TULP4: variants seen among roughly 807,000 people sequenced by gnomAD.
TULP4 encodes TUB like protein 4, also known as tubby-related protein 4.
Under a neutral mutation model 129.0 loss-of-function variants are expected in TULP4, and 16 were observed. The observed-to-expected ratio is 0.12, with a 90% CI of 0.08 to 0.19. The LOEUF (loss-of-function observed/expected upper bound fraction) is 0.19. Ranked by LOEUF, TULP4 falls within the 10% of genes least tolerant of loss-of-function variation. TULP4 has a pLI of 1.00. For missense variants in TULP4, 1,842 were observed against 2,059.1 expected, an observed-to-expected ratio of 0.89 and a Z score of 2.04; for synonymous variants, 998 against 854.0, an observed-to-expected ratio of 1.17 and a Z score of -2.94.
At chr6:158,269,856 C>T (rs1328150596) in intron 1 of TULP4, among the ~76,000 whole-genome samples, 1 of 152,190 alleles carries the variant, frequency 6.6e-6, no homozygotes, top group Non-Finnish European at 1.5e-5. Context: ...GGTGGGAGAG[C>T]CAGGCCCGGT....
intron 1 of TULP4, among the ~76,000 whole-genome samples, chr6:158,355,382 G>C (rs1488267628): frequency 1.3e-5 from 2 of 152,162 alleles, no homozygotes; most frequent in Admixed American, 6.5e-5. Context: ...CACTGTGACT[G>C]GCCTATAAGC....
At position 158,481,040 on chromosome 6, in the gene TULP4, TC is replaced by T; in HGVS notation, c.1252-13del. 1 of 1,541,130 alleles carries T rather than the reference TC, an allele frequency of 6.5e-7. No individual in the cohort carries two copies. Among genetic ancestry groups the T allele is most frequent in the Non-Finnish European group, 8.8e-7 (1 of 1,142,468 alleles). ...CTGGAGTCCCAGCTCTTCATTTTCTTCCTGTATCCTCCAGCCCCCAATTCCA... is the reference window on the plus strand; with the variant it reads ...CTGGAGTCCCAGCTCTTCATTTTCTTCTGTATCCTCCAGCCCCCAATTCCA... On this transcript the variant is annotated splice_polypyrimidine_tract_variant and intron_variant, in intron 7 of 13. Coordinates refer to ENST00000367097, the MANE Select transcript of TULP4 (RefSeq NM_020245.5).
At chr6:158,232,929 G>C (rs1251448870) in intron 1 of TULP4, among the ~76,000 whole-genome samples, 1 of 152,250 alleles carries the variant, frequency 6.6e-6, no homozygotes, top group Non-Finnish European at 1.5e-5. Context: ...TCTGGAGTCT[G>C]TGCTGTTTCC....
At chr6:158,427,437 G>A (rs1179722980) in intron 2 of TULP4, among the ~76,000 whole-genome samples, 1 of 135,978 alleles carries the variant, frequency 7.4e-6, no homozygotes, top group African/African-American at 2.9e-5. Flanking sequence ...AAACTTACAT[G>A]AAATGGACAA....
At chr6:158,261,824 T>C (rs2081614) in intron 1 of TULP4, among the ~76,000 whole-genome samples, 49,942 of 151,864 alleles carry the variant, frequency 0.33, 9,209 homozygotes, top group Admixed American at 0.45. Flanking sequence ...CCTCACAGTG[T>C]ATGATGGCTG....
chr6:158,336,168 T>G (rs541720615), intron 1 of TULP4, among the ~76,000 whole-genome samples: 1 of 152,350 alleles, frequency 6.6e-6, no homozygotes, highest in East Asian at 1.9e-4. Flanking sequence ...GGTTTTAATT[T>G]GGATATCTCC....
At chr6:158,380,843 G>A (rs1357890128) in intron 1 of TULP4, among the ~76,000 whole-genome samples, 6 of 138,252 alleles carry the variant, frequency 4.3e-5, no homozygotes, top group African/African-American at 1.1e-4. Flanking sequence ...GCAGTGAGCC[G>A]AGACCACGCC....
intron 1 of TULP4, among the ~76,000 whole-genome samples, chr6:158,322,070 T>C (rs901026547): frequency 6.6e-6 from 1 of 152,222 alleles, no homozygotes; most frequent in African/African-American, 2.4e-5. Context: ...TGACCAACTT[T>C]CTCAACATTC....
Position 158,236,005 on chromosome 6 carries a change from G to C in TULP4, n.68+3702G>C, listed in dbSNP as rs141658999. 6.3e-3 allele frequency among the ~76,000 whole-genome samples: 954 copies of C among 152,308 alleles called. 11 individuals are homozygous for C. The highest frequency in any genetic ancestry group is 0.021 in the African/African-American group (873 of 41,558). On this transcript the variant is annotated intron_variant and non_coding_transcript_variant, in intron 1 of 1. Transcript: ENST00000620026. ...ATCACTTCCCTTCTATATGGATGATGACATTCCAGCACATCTTCCTGAAAT... is the reference window on the plus strand; with the variant it reads ...ATCACTTCCCTTCTATATGGATGATCACATTCCAGCACATCTTCCTGAAAT...
chr6:158,393,760 A>AT (rs1554287091), intron 1 of TULP4, among the ~76,000 whole-genome samples: 1 of 151,950 alleles, frequency 6.6e-6, no homozygotes, highest in East Asian at 1.9e-4. Context: ...CCACTAATTC[A>AT]TTTTTTCTTC....
intron 7 of TULP4, among the ~76,000 whole-genome samples, chr6:158,480,854 C>T (rs1189320555): frequency 3.3e-5 from 5 of 152,186 alleles, no homozygotes; most frequent in African/African-American, 1.2e-4. Flanking sequence ...GCTTCGAAAG[C>T]TTGCAGGAGA....
intron 1 of TULP4, among the ~76,000 whole-genome samples, chr6:158,332,176 AAAAAAAAAAAAAAAAAAAAAAAAAATAT>A (rs1430701352): frequency 9.8e-5 from 6 of 61,306 alleles, no homozygotes; most frequent in African/African-American, 3.8e-4. Flanking sequence ...TGTCAAAAAA[AAAAAAAAAAAAAAAAAAAAAAAAAATAT>A]ATATATATAT....
rs532233330 is a variant in TULP4, at chr6:158,441,853, T to C, written c.544-7143T>C. On this transcript the variant is annotated intron_variant, in intron 3 of 13. Coordinates refer to ENST00000367097, the MANE Select transcript of TULP4 (RefSeq NM_020245.5). Reference sequence around the variant, plus strand: ...GTCCCGAGGATGACTGCTCCAGCTCTCTTACGTTCCTGCCTGAGAGCCTGC... The same window carrying C: ...GTCCCGAGGATGACTGCTCCAGCTCCCTTACGTTCCTGCCTGAGAGCCTGC... Among the ~76,000 whole-genome samples, 5 of 152,356 alleles carry C rather than the reference T, an allele frequency of 3.3e-5. No individual in the cohort carries two copies. In the South Asian group the frequency reaches 6.2e-4, roughly 19 times the overall value.
chr6:158,293,197 A>G (rs1247102476), intron 1 of TULP4, among the ~76,000 whole-genome samples: 1 of 152,248 alleles, frequency 6.6e-6, no homozygotes, highest in Non-Finnish European at 1.5e-5. Context: ...AATAGGGAGT[A>G]GCTTTCCTTG....
chr6:158,411,255 T>C (rs1320137642), intron 1 of TULP4, among the ~76,000 whole-genome samples: 1 of 152,150 alleles, frequency 6.6e-6, no homozygotes, highest in Admixed American at 6.5e-5. Flanking sequence ...ATATTCATAA[T>C]TGCTGTGTGT....
intron 1 of TULP4, chr6:158,242,450 A>G (rs1415075710): frequency 4.0e-6 from 4 of 1,010,646 alleles, no homozygotes; most frequent in Middle Eastern, 2.3e-4. Flanking sequence ...AGCATTCATC[A>G]TAGTGTTCCA....
chr6:158,405,981 T>A (rs913434821), intron 1 of TULP4, among the ~76,000 whole-genome samples: 2 of 152,224 alleles, frequency 1.3e-5, no homozygotes, highest in Non-Finnish European at 2.9e-5. Context: ...CAAGAACACA[T>A]GCTTAAAAAG....
intron 1 of TULP4, among the ~76,000 whole-genome samples, chr6:158,269,967 T>C (rs1778517380): frequency 6.6e-6 from 1 of 152,220 alleles, no homozygotes; most frequent in African/African-American, 2.4e-5. Context: ...ATTTTATTGC[T>C]TCTAGATCTA....
rs150475135 is a variant in TULP4, at chr6:158,479,893, G to A, written c.1169G>A (p.Arg390His). 738 of 1,613,190 alleles carry A rather than the reference G, an allele frequency of 4.6e-4. 2 individuals carry two copies. The highest frequency in any genetic ancestry group is 5.9e-4 in the Non-Finnish European group (691 of 1,180,020). Residue 390 changes from arginine (R) to histidine (H), a missense_variant, in exon 7 of 14, where the codon CGT becomes CAT. By Grantham distance (29) the Arg-to-His change is conservative. Transcript: ENST00000367097. ...CAGCAGGCCATCGCCAGCACCTTGC[G>A]TGAGGACAAGGACGTCAGCAAGCTG... ...LCQQAIASTL[R>H]EDKDVSKLTL...
Sources: allele counts gnomAD v4.1 joint callset (sites outside exome capture counted in the v4.1 genomes callset), GRCh38; gene constraint gnomAD v4.1.1; transcripts MANE v1.5; gene names NCBI Gene and HGNC (gene_info 2026-07-23, HGNC 2026-07-21).